The following MATCAP1 variants were observed in gnomAD, a reference collection of about 807,000 sequenced individuals.
MATCAP1 encodes the protein microtubule-associated tyrosine carboxypeptidase 1.
the MATCAP1 span, chr16:67,178,260 G>A: frequency 6.4e-7 from 1 of 1,566,314 alleles, no homozygotes; most frequent in Non-Finnish European, 8.6e-7. Context: ...AGCGCACATC[G>A]GCGTCCTGCA....
the MATCAP1 span, chr16:67,179,652 C>T: frequency 1.5e-4 from 216 of 1,482,274 alleles, 1 homozygote; most frequent in Non-Finnish European, 4.1e-5. The surrounding 1 kb of genome is among the most constrained non-coding windows in gnomAD (Gnocchi z 5.2). Context: ...CGAGGCCAGA[C>T]AATTGGCCAG....
chr16:67,179,170 G>T, the MATCAP1 span: 1 of 1,295,158 alleles, frequency 7.7e-7, no homozygotes, highest in Non-Finnish European at 9.8e-7. This position sits in a 1 kb window ranked among gnomAD's most constrained non-coding sequence, Gnocchi z 5.2. Flanking sequence ...GTTGGGAGAA[G>T]TCGGAGAGGA....
At chr16:67,179,211 C>A in the MATCAP1 span, 1 of 1,386,628 alleles carries the variant, frequency 7.2e-7, no homozygotes, top group Non-Finnish European at 9.3e-7. The surrounding 1 kb of genome is among the most constrained non-coding windows in gnomAD (Gnocchi z 5.2). Context: ...CCCGAAAGGA[C>A]CAAGAGATGA....
the MATCAP1 span, chr16:67,178,230 G>A: frequency 6.5e-7 from 1 of 1,545,126 alleles, no homozygotes; most frequent in Non-Finnish European, 8.8e-7. Flanking sequence ...GGCCGCGCTT[G>A]GCGCGCACGC....
the MATCAP1 span, chr16:67,179,300 G>A: frequency 1.3e-6 from 2 of 1,496,472 alleles, no homozygotes; most frequent in Non-Finnish European, 1.8e-6. This position sits in a 1 kb window ranked among gnomAD's most constrained non-coding sequence, Gnocchi z 5.2. Flanking sequence ...CTCAGGAAGG[G>A]AAAGCCCCGA....
the MATCAP1 span, chr16:67,179,795 GGCTCTGCAGGCAA>G: frequency 6.2e-7 from 1 of 1,613,304 alleles, no homozygotes; most frequent in Non-Finnish European, 8.5e-7. This position sits in a 1 kb window ranked among gnomAD's most constrained non-coding sequence, Gnocchi z 5.2. Flanking sequence ...GTAGAGGAAG[GGCTCTGCAGGCAA>G]GCTCACCTCC....
chr16:67,178,497 G>T, the MATCAP1 span: 1 of 1,526,466 alleles, frequency 6.6e-7, no homozygotes, highest in Non-Finnish European at 8.8e-7. Flanking sequence ...CCCGCAGGTA[G>T]TGGGTGCCTG....
chr16:67,181,220 C>T, the MATCAP1 span, among the ~76,000 whole-genome samples: 1 of 152,220 alleles, frequency 6.6e-6, no homozygotes, highest in Non-Finnish European at 1.5e-5. Context: ...CAGGGACTGC[C>T]TTCAGCCTAT....
chr16:67,182,846 A>C, the MATCAP1 span, among the ~76,000 whole-genome samples: 1 of 152,050 alleles, frequency 6.6e-6, no homozygotes, highest in Non-Finnish European at 1.5e-5. Context: ...CCTTCCCCAA[A>C]TTATTGTTCT....
chr16:67,176,710 G>A, the MATCAP1 span: 2 of 1,162,558 alleles, frequency 1.7e-6, no homozygotes, highest in Non-Finnish European at 2.3e-6. This position sits in a 1 kb window ranked among gnomAD's most constrained non-coding sequence, Gnocchi z 4.3. Context: ...ACACCCCCAA[G>A]AAACACCTAG....
chr16:67,177,075 A>G, the MATCAP1 span: 1 of 1,072,966 alleles, frequency 9.3e-7, no homozygotes, highest in Non-Finnish European at 1.3e-6. Flanking sequence ...TTGCTCCGGG[A>G]CTTCTTCCTC....
chr16:67,181,045 C>T, the MATCAP1 span, among the ~76,000 whole-genome samples: 2 of 152,174 alleles, frequency 1.3e-5, no homozygotes, highest in Non-Finnish European at 2.9e-5. Context: ...GAGTTTTAAA[C>T]ACCCACCTAG....
At chr16:67,178,219 T>C in the MATCAP1 span, 1 of 1,539,664 alleles carries the variant, frequency 6.5e-7, no homozygotes, top group Admixed American at 2.0e-5. Context: ...GGTGTCGGTC[T>C]GGCCGCGCTT....
At chr16:67,180,237 G>T in the MATCAP1 span, 1 of 1,613,918 alleles carries the variant, frequency 6.2e-7, no homozygotes, top group Non-Finnish European at 8.5e-7. Flanking sequence ...ATCCCTTTGA[G>T]TCTTAGCAAT....
chr16:67,179,878 G>A, the MATCAP1 span: 1 of 1,614,210 alleles, frequency 6.2e-7, no homozygotes, highest in Non-Finnish European at 8.5e-7. This position sits in a 1 kb window ranked among gnomAD's most constrained non-coding sequence, Gnocchi z 5.2. Flanking sequence ...GGCACTTGGT[G>A]AGCAGCTGCC....
the MATCAP1 span, chr16:67,183,724 G>C: frequency 6.5e-6 from 1 of 155,014 alleles, no homozygotes; most frequent in African/African-American, 2.4e-5. Flanking sequence ...CAGCCAATAA[G>C]TGGTGGGGGA....
At chr16:67,178,108 C>G in the MATCAP1 span, 6 of 1,612,380 alleles carry the variant, frequency 3.7e-6, no homozygotes, top group African/African-American at 8.0e-5. Flanking sequence ...CTGAAACAAC[C>G]TGGGAGGGCA....
At chr16:67,182,041 G>A in the MATCAP1 span, among the ~76,000 whole-genome samples, 8 of 152,054 alleles carry the variant, frequency 5.3e-5, no homozygotes, top group Admixed American at 2.0e-4. Context: ...ACCTGAGGTC[G>A]GGAGTTCGAG....
chr16:67,176,758 G>C, the MATCAP1 span: 1 of 1,465,652 alleles, frequency 6.8e-7, no homozygotes, highest in Non-Finnish European at 9.1e-7. The surrounding 1 kb of genome is among the most constrained non-coding windows in gnomAD (Gnocchi z 4.3). Context: ...CATGTTCTAG[G>C]GGCCTATCTG....
Sources: gnomAD v4.1 joint callset for allele counts (sites outside exome capture counted in the v4.1 genomes callset) on GRCh38, gnomAD v4.1.1 for gene constraint, Gnocchi (gnomAD v3.1) non-coding constraint, MANE v1.5 for transcripts, NCBI Gene and HGNC (gene_info 2026-07-23, HGNC 2026-07-21) for gene names.